The following SCD5 variants were observed in gnomAD, a reference collection of about 807,000 sequenced individuals.
SCD5 encodes acyl-CoA-desaturase 4.
SCD5 carries 20 observed loss-of-function variants against 30.4 expected under a neutral mutation model. The ratio of observed to expected loss-of-function variants is 0.66; its 90% confidence interval spans 0.46 to 0.96. The LOEUF is 0.96. Among genes scored for constraint, SCD5 ranks in the 40% least tolerant of loss-of-function variants. The pLI is 0.00. For synonymous variants in SCD5, 173 were observed against 176.4 expected (o/e 0.98, Z 0.16); for missense variants, 381 against 443.3 (o/e 0.86, Z 1.26).
At chr4:82,642,158 A>G (rs567480454) in intron 3 of SCD5, among the ~76,000 whole-genome samples, 1 of 151,834 alleles carries the variant, frequency 6.6e-6, no homozygotes, top group Non-Finnish European at 1.5e-5. Flanking sequence ...AGTTTTTATA[A>G]CCTCTTTTGC....
chr4:82,741,125 GAC>G (rs1720863789), intron 1 of SCD5, among the ~76,000 whole-genome samples: 1 of 147,066 alleles, frequency 6.8e-6, no homozygotes, highest in Admixed American at 6.9e-5. Flanking sequence ...TTTTCGTAGA[GAC>G]AGAGTTTTGC....
rs780109801 is a variant in SCD5, at chr4:82,636,838, A to G, written c.570-15T>C. ...TCTTATAGTACCTACAGGGCAAGAC[A>G]CCATATCACCATGAGGACCCGCTGA... is the stretch of plus-strand genomic sequence containing the variant. On this transcript the variant is annotated splice_polypyrimidine_tract_variant and intron_variant, in intron 3 of 4. Coordinates refer to ENST00000319540, the MANE Select transcript of SCD5 (RefSeq NM_001037582.3). 1.3e-6 allele frequency: 2 copies of G among 1,587,464 alleles called. No homozygotes were observed. Among genetic ancestry groups the G allele is most frequent in the East Asian group, 4.5e-5 (2 of 43,996 alleles).
intron 1 of SCD5, among the ~76,000 whole-genome samples, chr4:82,729,910 T>C (rs562099856): frequency 2.0e-5 from 3 of 152,204 alleles, no homozygotes; most frequent in Admixed American, 2.0e-4. Flanking sequence ...TTCCATTAGC[T>C]CCCCCACTAT....
intron 1 of SCD5, among the ~76,000 whole-genome samples, chr4:82,753,991 A>C (rs1349707970): frequency 1.3e-5 from 2 of 152,110 alleles, no homozygotes; most frequent in African/African-American, 4.8e-5. Context: ...AATGTCAAGT[A>C]CCCTGGCTCC....
intron 1 of SCD5, among the ~76,000 whole-genome samples, chr4:82,769,137 A>T (rs892677652): frequency 1.3e-5 from 2 of 152,098 alleles, no homozygotes; most frequent in Non-Finnish European, 1.5e-5. Flanking sequence ...CCCCTCAAGC[A>T]CATTAGACTG....
At chr4:82,752,125 G>C (rs946434860) in intron 1 of SCD5, among the ~76,000 whole-genome samples, 1 of 152,024 alleles carries the variant, frequency 6.6e-6, no homozygotes, top group Non-Finnish European at 1.5e-5. Context: ...ACCATCACAA[G>C]GCCTGAAGTA....
chr4:82,638,277 C>T (rs1476125880), intron 3 of SCD5, among the ~76,000 whole-genome samples: 2 of 152,060 alleles, frequency 1.3e-5, no homozygotes, highest in African/African-American at 4.8e-5. Context: ...CCGCCCCCTG[C>T]CCTGCCCCCC....
intron 1 of SCD5, among the ~76,000 whole-genome samples, chr4:82,751,085 C>A (rs535091361): frequency 6.6e-6 from 1 of 152,140 alleles, no homozygotes; most frequent in Non-Finnish European, 1.5e-5. Context: ...CAGGGCTTCA[C>A]AAAGAGCTGT....
At position 82,660,846 on chromosome 4, in the gene SCD5, C is replaced by G. The variant is rs767784203; in HGVS notation, c.569+19861G>C. On this transcript the variant is annotated intron_variant, in intron 3 of 4. Transcript: ENST00000319540. ...TGTTATTCTATACGTTATCACCAAG[C>G]CTCGCTGTTGTATATCTCTCTTCTG... 5.0e-6 allele frequency: 8 copies of G among 1,613,686 alleles called. 1 individual carries two copies. Among genetic ancestry groups the G allele is most frequent in the South Asian group, 4.4e-5 (4 of 91,066 alleles).
In SCD5 at chr4:82,735,887, A is replaced by G. The variant is rs145635058; in HGVS notation, c.233-30474T>C. 3.3e-3 allele frequency among the ~76,000 whole-genome samples: 505 copies of G among 152,350 alleles called. 4 individuals carry two copies. The highest frequency in any genetic ancestry group is 0.011 in the African/African-American group (470 of 41,576). ...CGTGGTTAAACTGGTTTCATTATCC[A>G]TCGTTTCACTTAAAGTCACAGTTTC... On this transcript the variant is annotated intron_variant, in intron 1 of 4. Transcript: ENST00000319540.
intron 3 of SCD5, among the ~76,000 whole-genome samples, chr4:82,643,564 G>A (rs938395016): frequency 1.3e-5 from 2 of 152,174 alleles, no homozygotes; most frequent in Non-Finnish European, 2.9e-5. Context: ...AGGAGCTGGG[G>A]GTGAAGAGAA....
intron 1 of SCD5, among the ~76,000 whole-genome samples, chr4:82,732,816 G>A (rs1421442969): frequency 6.6e-6 from 1 of 152,152 alleles, no homozygotes; most frequent in Non-Finnish European, 1.5e-5. Flanking sequence ...GGAAAGAAAC[G>A]GAATGTGGGG....
chr4:82,649,028 G>T (rs537751324), intron 3 of SCD5, among the ~76,000 whole-genome samples: 1 of 152,126 alleles, frequency 6.6e-6, no homozygotes, highest in Admixed American at 6.5e-5. Context: ...CAGGTCCTTG[G>T]TTTATTCCAG....
chr4:82,726,294 G>A (rs1407474226), intron 1 of SCD5, among the ~76,000 whole-genome samples: 1 of 151,930 alleles, frequency 6.6e-6, no homozygotes, highest in Non-Finnish European at 1.5e-5. Flanking sequence ...GCTCGTGCCT[G>A]TAATCCCAGC....
intron 1 of SCD5, among the ~76,000 whole-genome samples, chr4:82,713,494 C>T (rs369375479): frequency 1.3e-5 from 2 of 152,342 alleles, no homozygotes; most frequent in South Asian, 4.1e-4. Flanking sequence ...TGGCTCACTT[C>T]AGACAGGCAC....
At chr4:82,647,952 A>G (rs546012080) in intron 3 of SCD5, among the ~76,000 whole-genome samples, 3 of 152,218 alleles carry the variant, frequency 2.0e-5, no homozygotes, top group Non-Finnish European at 4.4e-5. Flanking sequence ...AACAAACTTG[A>G]CCTTCCTTGA....
chr4:82,679,230 A>AAGAG (rs1168322028), intron 3 of SCD5, among the ~76,000 whole-genome samples: 3 of 33,994 alleles, frequency 8.8e-5, no homozygotes, highest in African/African-American at 3.1e-4. Context: ...AAAAGAAAGA[A>AAGAG]AGAAAGAAAG....
intron 2 of SCD5, among the ~76,000 whole-genome samples, chr4:82,685,407 T>A (rs1353224714): frequency 1.3e-5 from 2 of 151,774 alleles, no homozygotes; most frequent in Non-Finnish European, 2.9e-5. Flanking sequence ...ACAGAAAAAA[T>A]TAATAAAATA....
At chr4:82,762,639 C>T (rs114195754) in intron 1 of SCD5, among the ~76,000 whole-genome samples, 1,671 of 152,208 alleles carry the variant, frequency 0.011, 28 homozygotes, top group Middle Eastern at 0.044. Context: ...ACAAATATTG[C>T]CATGACAATA....
Sources: gnomAD v4.1 joint callset for allele counts (sites outside exome capture counted in the v4.1 genomes callset) on GRCh38, gnomAD v4.1.1 for gene constraint, MANE v1.5 for transcripts, NCBI Gene and HGNC (gene_info 2026-07-23, HGNC 2026-07-21) for gene names.